Variants in ALK observed in about 807,000 individuals in gnomAD.
The protein encoded by ALK is ALK receptor tyrosine kinase.
Under a neutral mutation model 163.1 loss-of-function variants are expected in ALK, and 74 were observed. That is an observed-to-expected ratio of 0.45 (90% confidence interval 0.38 to 0.55). The LOEUF is 0.55. Ranked by LOEUF, ALK falls within the 20% of genes least tolerant of loss-of-function variation. The pLI is 0.00. For synonymous variants in ALK, 960 were observed against 843.2 expected, an observed-to-expected ratio of 1.14 and a Z score of -2.40; for missense variants, 2,063 against 2,105.3, an observed-to-expected ratio of 0.98 and a Z score of 0.39.
chr2:29,265,234 T>A (rs1413593847), intron 11 of ALK, among the ~76,000 whole-genome samples: 4 of 152,134 alleles, frequency 2.6e-5, no homozygotes, highest in African/African-American at 7.2e-5. Flanking sequence ...GCCAGGCTGG[T>A]CTTGAACTCC....
At chr2:29,237,047 C>T (rs1353284003) in intron 13 of ALK, among the ~76,000 whole-genome samples, 3 of 152,188 alleles carry the variant, frequency 2.0e-5, no homozygotes, top group Non-Finnish European at 4.4e-5. Context: ...CTCCCTTCTT[C>T]CAGTGGCTCA....
intron 26 of ALK, among the ~76,000 whole-genome samples, chr2:29,204,048 G>A (rs1669253545): frequency 6.6e-6 from 1 of 151,758 alleles, no homozygotes; most frequent in Non-Finnish European, 1.5e-5. Flanking sequence ...GGTTTATTTA[G>A]CTTCACACTC....
At chr2:29,651,283 G>A (rs1460924825) in intron 3 of ALK, among the ~76,000 whole-genome samples, 3 of 152,052 alleles carry the variant, frequency 2.0e-5, no homozygotes, top group Non-Finnish European at 4.4e-5. Context: ...GAATCCCTAA[G>A]GAGTAGTGAT....
intron 9 of ALK, among the ~76,000 whole-genome samples, chr2:29,296,650 C>T (rs754789188): frequency 2.6e-5 from 4 of 152,252 alleles, no homozygotes; most frequent in South Asian, 4.2e-4. Flanking sequence ...CCAGTGGTCC[C>T]GAGACAAGTG....
At chr2:29,648,081 C>T (rs1055118038) in intron 3 of ALK, among the ~76,000 whole-genome samples, 15 of 152,144 alleles carry the variant, frequency 9.9e-5, no homozygotes, top group African/African-American at 3.6e-4. Flanking sequence ...CAACCCTCTC[C>T]ATGAAGAAGA....
chr2:29,743,051 T>C (rs2148326065), intron 1 of ALK, among the ~76,000 whole-genome samples: 1 of 152,340 alleles, frequency 6.6e-6, no homozygotes, highest in Admixed American at 6.5e-5. Context: ...TCAGCAGCCT[T>C]AAACAGACCA....
At chr2:29,526,895 G>A (rs930428471) in intron 4 of ALK, among the ~76,000 whole-genome samples, 1 of 152,198 alleles carries the variant, frequency 6.6e-6, no homozygotes, top group Non-Finnish European at 1.5e-5. Context: ...ACCATCTCTC[G>A]CTTGGCCTGT....
At chr2:29,611,748 G>T (rs147432131) in intron 3 of ALK, among the ~76,000 whole-genome samples, 1 of 152,238 alleles carries the variant, frequency 6.6e-6, no homozygotes, top group Admixed American at 6.5e-5. Context: ...TTGAAGGTGT[G>T]TGGCACTTCC....
intron 22 of ALK, 61 bp downstream of exon 22, chr2:29,222,283 C>T (rs1288127713): frequency 4.7e-6 from 7 of 1,500,892 alleles, no homozygotes; most frequent in Non-Finnish European, 6.5e-6. Context: ...TGTTAGAAAC[C>T]TCTCCAGGTT....
chr2:29,284,450 A>G (rs1325256785), intron 9 of ALK, among the ~76,000 whole-genome samples: 2 of 152,234 alleles, frequency 1.3e-5, no homozygotes, highest in East Asian at 3.8e-4. Flanking sequence ...TTTCCGAGAC[A>G]TTAAGAATTA....
chr2:29,247,110 C>T (rs900005962), intron 12 of ALK, among the ~76,000 whole-genome samples: 4 of 152,064 alleles, frequency 2.6e-5, no homozygotes, highest in African/African-American at 4.8e-5. Flanking sequence ...CTGAGTGCAG[C>T]GCCTTTCCCC....
intron 3 of ALK, among the ~76,000 whole-genome samples, chr2:29,551,049 G>T (rs1673701577): frequency 6.6e-6 from 1 of 152,044 alleles, no homozygotes; most frequent in African/African-American, 2.4e-5. Flanking sequence ...TTGTTCTCCT[G>T]CTTCTGTGAA....
Position 29,920,409 on chromosome 2 carries a change from C to T in ALK, c.251G>A (p.Arg84Lys). 6.3e-7 allele frequency: 1 copy of T among 1,587,176 alleles called. No homozygotes were observed. Among genetic ancestry groups the T allele is most frequent in the Non-Finnish European group, 8.6e-7 (1 of 1,167,288 alleles). The change falls in exon 1 of 29, where the codon AGG becomes AAG. Residue 84 changes from arginine (R) to lysine (K), a missense_variant. Physicochemically the swap from Arg to Lys is conservative, Grantham distance 26 (BLOSUM62 2). Transcript: ENST00000389048. ...PPSSSELKAG[R>K]PEARGSLALD... ...AGCTAGCGAGCCGCGGGCCTCGGGC[C>T]TGCCAGCCTTCAGCTCCGAGGAGGA... is the stretch of plus-strand genomic sequence containing the variant.
chr2:29,405,744 T>C (rs1265710039), intron 4 of ALK, among the ~76,000 whole-genome samples: 4 of 152,188 alleles, frequency 2.6e-5, no homozygotes, highest in Non-Finnish European at 5.9e-5. Flanking sequence ...AAAGGAAAAC[T>C]AATGGAAATT....
intron 1 of ALK, among the ~76,000 whole-genome samples, chr2:29,732,385 G>A (rs1679770062): frequency 6.6e-6 from 1 of 152,156 alleles, no homozygotes; most frequent in Admixed American, 6.5e-5. Context: ...ATGGGCAGGG[G>A]GAGCCAAGAA....
intron 1 of ALK, among the ~76,000 whole-genome samples, chr2:29,823,380 G>C (rs534349359): frequency 6.6e-6 from 1 of 152,308 alleles, no homozygotes; most frequent in East Asian, 1.9e-4. Context: ...CAAAAATGTG[G>C]AAGCGACTTT....
Position 29,222,573 on chromosome 2 carries a change from C to T in ALK, c.3394G>A (p.Glu1132Lys), listed in dbSNP as rs2148169318. The T allele has an allele frequency of 1.2e-6, 2 of 1,614,066 alleles. No individual in the cohort carries two copies. Among genetic ancestry groups the T allele is most frequent in the Non-Finnish European group, 1.7e-6 (2 of 1,180,018 alleles). The change falls in exon 21 of 29, where the codon GAA (glutamate) becomes AAA (lysine). Residue 1132 changes from glutamate (E) to lysine (K), a missense_variant. Around this residue, in one of 5 missense-constraint regions of ALK, gnomAD observed 575 missense variants for 626.6 expected, o/e 0.92. Transcript: ENST00000389048. ...TTGGGCATTCCGGACACCTGGCCTT[C>T]ATACACCTCCCCAAAGGCGCCATGG... ...LGHGAFGEVY[E>K]GQVSGMPNDP...
At chr2:29,634,560 T>C (rs1425577233) in intron 3 of ALK, among the ~76,000 whole-genome samples, 1 of 151,976 alleles carries the variant, frequency 6.6e-6, no homozygotes, top group East Asian at 1.9e-4. Context: ...GAAAAAGCAA[T>C]AGATAAATTC....
intron 5 of ALK, among the ~76,000 whole-genome samples, chr2:29,382,930 G>A (rs2148300768): frequency 6.6e-6 from 1 of 152,332 alleles, no homozygotes; most frequent in South Asian, 2.1e-4. Context: ...AGCTGGGTTG[G>A]TGAGGGGTCA....
Sources: allele counts gnomAD v4.1 joint callset (sites outside exome capture counted in the v4.1 genomes callset), GRCh38; gene constraint gnomAD v4.1.1; regional missense constraint gnomAD v4.1.1; transcripts MANE v1.5; gene names NCBI Gene and HGNC (gene_info 2026-07-23, HGNC 2026-07-21).